The following EXOC5 variants were observed in gnomAD, a reference collection of about 807,000 sequenced individuals.
EXOC5 encodes SEC10-like 1.
Under a neutral mutation model 90.8 loss-of-function variants are expected in EXOC5, and 17 were observed. The observed-to-expected ratio is 0.19, with a 90% confidence interval of 0.13 to 0.28. The LOEUF (loss-of-function observed/expected upper bound fraction) is 0.28, where lower values mean the gene tolerates loss of function less well. Among genes scored for constraint, EXOC5 ranks in the 10% least tolerant of loss-of-function variants. EXOC5 has a pLI of 1.00. For missense variants in EXOC5, 569 were observed against 830.6 expected (o/e 0.69, Z 3.87); for synonymous variants, 260 against 270.0 (o/e 0.96, Z 0.36).
intron 17 of EXOC5, 80 bp from the exon 18 acceptor site, chr14:57,208,877 C>A: frequency 1.1e-6 from 1 of 940,440 alleles, no homozygotes; most frequent in East Asian, 2.7e-5. Flanking sequence ...TTTTTACATA[C>A]TGTCAGGTGG....
intron 1 of EXOC5, among the ~76,000 whole-genome samples, chr14:57,255,838 C>CAAAA (rs1258346261): frequency 1.7e-5 from 1 of 59,934 alleles, no homozygotes; most frequent in South Asian, 6.2e-4. Flanking sequence ...TCTCCAAAAG[C>CAAAA]AAAAAAAAAA....
chr14:57,209,705 A>G lies in EXOC5; in HGVS notation c.1800T>C (p.Asp600=), dbSNP rs2139605947. Residue 600 remains aspartate, a synonymous_variant, in exon 17 of 18, where the codon GAT becomes GAC. Transcript: ENST00000621441. ...IKNSMDGKNV[D]TVLMELGVRF... ...GTACTCCAAGTTCCATCAAAACTGTATCCACATTCTTCCCATCCATGGAAT... is the reference window on the plus strand; with the variant it reads ...GTACTCCAAGTTCCATCAAAACTGTGTCCACATTCTTCCCATCCATGGAAT... 6.2e-7 allele frequency: 1 copy of G among 1,613,118 alleles called. No individual in the cohort carries two copies. The highest frequency in any genetic ancestry group is 1.1e-5 in the South Asian group (1 of 90,990).
intron 1 of EXOC5, among the ~76,000 whole-genome samples, chr14:57,261,331 C>T (rs967203758): frequency 2.6e-5 from 4 of 152,228 alleles, no homozygotes; most frequent in Non-Finnish European, 4.4e-5. Context: ...ACCAGGGACT[C>T]AGTATTTTAG....
At chr14:57,220,881 T>C (rs1011317991) in intron 13 of EXOC5, among the ~76,000 whole-genome samples, 4 of 152,164 alleles carry the variant, frequency 2.6e-5, no homozygotes, top group African/African-American at 9.7e-5. Context: ...TTACTCAGTT[T>C]TACTTTTCTT....
At chr14:57,210,458 T>C (rs1882794712) in intron 15 of EXOC5, among the ~76,000 whole-genome samples, 1 of 152,170 alleles carries the variant, frequency 6.6e-6, no homozygotes, top group Admixed American at 6.5e-5. Flanking sequence ...TTTGGAATAT[T>C]TGTACATACA....
rs1178825460 is a variant in EXOC5 at position 57,233,730 on chromosome 14, T to A, written c.855+13A>T. 3 of 1,455,690 alleles carry A rather than the reference T, an allele frequency of 2.1e-6. No homozygotes were observed. Among genetic ancestry groups the A allele is most frequent in the Non-Finnish European group, 2.9e-6 (3 of 1,049,414 alleles). 90.2% of individuals were successfully genotyped at this position (1,455,690 alleles called of 1,614,324 possible). A position where few individuals can be genotyped will look rare whatever the true frequency, so the allele number is the denominator to read the frequency against. The stretch of plus-strand genomic sequence containing the variant: ...CTTTAAGAACTATTTAATTTGTTAC[T>A]ATTTAAAATTACCTGTAGTTTGATT... On this transcript the variant is annotated intron_variant, in intron 9 of 17. Transcript: ENST00000621441.
chr14:57,227,168 T>C (rs1361096186), intron 12 of EXOC5, among the ~76,000 whole-genome samples: 2 of 152,244 alleles, frequency 1.3e-5, no homozygotes, highest in African/African-American at 4.8e-5. Flanking sequence ...AGAGTATATA[T>C]TGACGGCAAA....
intron 12 of EXOC5, among the ~76,000 whole-genome samples, chr14:57,224,717 A>G (rs528630388): frequency 1.3e-5 from 2 of 152,294 alleles, no homozygotes; most frequent in South Asian, 4.1e-4. Context: ...ATTTCCCAAC[A>G]CATCCTATGA....
intron 15 of EXOC5, among the ~76,000 whole-genome samples, chr14:57,214,772 T>C (rs1002651028): frequency 2.6e-5 from 4 of 152,110 alleles, no homozygotes; most frequent in Non-Finnish European, 5.9e-5. Context: ...AAGAAAGTAA[T>C]TCAAAAGATG....
chr14:57,235,891 T>C (rs1175916241), intron 6 of EXOC5, 71 bp from the exon 7 acceptor site: 4 of 744,976 alleles, frequency 5.4e-6, no homozygotes, highest in Non-Finnish European at 9.5e-6. Flanking sequence ...ATCTACATTA[T>C]TTACAAATAT....
Position 57,237,434 on chromosome 14 carries a change from T to C in EXOC5, c.531-68A>G, listed in dbSNP as rs940029419. On this transcript the variant is annotated intron_variant, in intron 5 of 17. Transcript: ENST00000621441. ...AACATCCTATGGCAATGTAAGATGC[T>C]AACCAAATGGGAAACTGGGTGCAGG... The C allele has an allele frequency of 1.6e-5, 16 of 1,003,720 alleles. No homozygotes were observed. In the African/African-American group the frequency reaches 2.1e-4, roughly 13 times the overall value. 62.2% of individuals were successfully genotyped at this position (1,003,720 alleles called of 1,614,324 possible).
chr14:57,202,331 T>C lies in EXOC5; in HGVS notation c.*6278A>G, dbSNP rs1160803010. The stretch of plus-strand genomic sequence containing the variant: ...CCTTAAAAGGAATTAGGACAGCTAG[T>C]AAAATGATTGGTGTCTGAGGATTAG... On this transcript the variant is annotated 3_prime_UTR_variant, in exon 18 of 18. Transcript: ENST00000621441. 6.6e-6 allele frequency: 1 copy of C among 152,172 alleles called. No homozygotes were observed. Among genetic ancestry groups the C allele is most frequent in the Non-Finnish European group, 1.5e-5 (1 of 68,022 alleles). The allele number at this position is 152,172 out of a possible 1,614,324, so 9.4% of individuals were successfully genotyped here. A position where few individuals can be genotyped will look rare whatever the true frequency, so the allele number is the denominator to read the frequency against.
At chr14:57,227,292 A>C (rs75823324) in intron 12 of EXOC5, among the ~76,000 whole-genome samples, 3 of 152,152 alleles carry the variant, frequency 2.0e-5, no homozygotes, top group Non-Finnish European at 4.4e-5. Context: ...CTAAAAAAAA[A>C]CCATATGATT....
chr14:57,215,712 A>T (rs1260508214), intron 15 of EXOC5, among the ~76,000 whole-genome samples: 1 of 152,216 alleles, frequency 6.6e-6, no homozygotes, highest in East Asian at 1.9e-4. Context: ...AACTAATATC[A>T]AAGTGTGAAA....
chr14:57,267,604 GTCTT>G (rs1388522667), intron 1 of EXOC5, among the ~76,000 whole-genome samples: 4 of 152,146 alleles, frequency 2.6e-5, no homozygotes, highest in African/African-American at 7.2e-5. Flanking sequence ...CAAAAAAGGG[GTCTT>G]TCTTTCCTTT....
At position 57,235,878 on chromosome 14, in the gene EXOC5, A is replaced by C. The variant is rs922769669; in HGVS notation, c.560-58T>G. On this transcript the variant is annotated intron_variant, in intron 6 of 17. Transcript: ENST00000621441. ...ATACAAGGCATCCACGTTATTTAAG[A>C]GTATCTACATTATTTACAAATATAA... is the stretch of plus-strand genomic sequence containing the variant. 4.4e-5 allele frequency: 35 copies of C among 795,372 alleles called. No homozygotes were observed. The African/African-American group carries it at 5.8e-4, about 13-fold the overall frequency. 49.3% of individuals were successfully genotyped at this position (795,372 alleles called of 1,614,324 possible). A position where few individuals can be genotyped will look rare whatever the true frequency, so the allele number is the denominator to read the frequency against.
rs943929702 is a variant in EXOC5 at position 57,268,788 on chromosome 14, G to A, written c.-140C>T. On this transcript the variant is annotated 5_prime_UTR_variant, in exon 1 of 18. Coordinates refer to ENST00000621441, the MANE Select transcript of EXOC5 (RefSeq NM_006544.4). ...GCTGCGGGCTCCCCAGCTCCCCACA[G>A]ATCCCAGGAGGGGCGGGAGAGCGGC... 2.3e-5 allele frequency: 33 copies of A among 1,415,086 alleles called. No individual in the cohort carries two copies. Among genetic ancestry groups the A allele is most frequent in the Middle Eastern group, 2.6e-4 (1 of 3,842 alleles). The allele number at this position is 1,415,086 out of a possible 1,614,324, so 87.7% of individuals were successfully genotyped here. A position where few individuals can be genotyped will look rare whatever the true frequency, so the allele number is the denominator to read the frequency against.
intron 1 of EXOC5, among the ~76,000 whole-genome samples, chr14:57,263,432 T>G (rs1884574366): frequency 6.6e-6 from 1 of 151,648 alleles, no homozygotes; most frequent in African/African-American, 2.4e-5. Flanking sequence ...ATTACACTAC[T>G]GCACTCCAGC....
chr14:57,227,661 T>C (rs1883348766), intron 12 of EXOC5, among the ~76,000 whole-genome samples: 1 of 152,194 alleles, frequency 6.6e-6, no homozygotes, highest in Non-Finnish European at 1.5e-5. Flanking sequence ...AATGAATAAG[T>C]TGCATTTCCC....
Sources: gnomAD v4.1 joint callset for allele counts (sites outside exome capture counted in the v4.1 genomes callset) on GRCh38, gnomAD v4.1.1 for gene constraint, MANE v1.5 for transcripts, NCBI Gene and HGNC (gene_info 2026-07-23, HGNC 2026-07-21) for gene names.